Variants in PTPRS observed in about 807,000 individuals in gnomAD.
PTPRS encodes receptor-type tyrosine-protein phosphatase S.
PTPRS carries 63 observed loss-of-function variants against 215.3 expected under a neutral mutation model. The ratio of observed to expected loss-of-function variants is 0.29; its 90% CI spans 0.24 to 0.36. The LOEUF (loss-of-function observed/expected upper bound fraction) is 0.36. PTPRS is among the 10% of genes least tolerant of loss of function. PTPRS has a pLI of 1.00. For synonymous variants in PTPRS, 1,404 were observed against 1,191.4 expected (o/e 1.18, Z -3.68); for missense variants, 2,258 against 2,825.8 (o/e 0.80, Z 4.56).
intron 9 of PTPRS, among the ~76,000 whole-genome samples, chr19:5,253,058 T>C (rs1159406004): frequency 6.6e-6 from 1 of 152,112 alleles, no homozygotes. Flanking sequence ...CACTAACTCA[T>C]ACTCTAAAGG....
At chr19:5,231,248 G>C in intron 14 of PTPRS, 62 bp downstream of exon 14, 2 of 1,498,128 alleles carry the variant, frequency 1.3e-6, no homozygotes, top group Non-Finnish European at 1.8e-6. Flanking sequence ...CAGATGGAAG[G>C]CTTCGAGGCG....
Position 5,229,317 on chromosome 19 carries a change from T to G in PTPRS, c.2375A>C (p.Tyr792Ser), listed in dbSNP as rs2042802928. ...AQWETDDTAE[Y>S]EMVITNLQPE... ...TGGGTGGCCAGGGGCGCTACTTACA[T>G]ATTCGGCCGTGTCATCCGTCTCCCA... The change falls in exon 16 of 38, where the codon TAT becomes TCT. Residue 792 changes from tyrosine to serine, a missense_variant and splice_region_variant. By Grantham distance (144) the Tyr-to-Ser change is moderately radical. Transcript: ENST00000262963. The G allele has an allele frequency of 7.3e-7, 1 of 1,378,806 alleles. No individual in the cohort carries two copies. Among genetic ancestry groups the G allele is most frequent in the African/African-American group, 1.5e-5 (1 of 66,484 alleles). 85.4% of individuals were successfully genotyped at this position (1,378,806 alleles called of 1,614,324 possible). A position where few individuals can be genotyped will look rare whatever the true frequency, so the allele number is the denominator to read the frequency against.
rs1236009082 is a variant in PTPRS, at chr19:5,214,426, G to A, written c.4549C>T (p.Gln1517Ter). 6.2e-7 allele frequency: 1 copy of A among 1,614,192 alleles called. No individual in the cohort carries two copies. Among genetic ancestry groups the A allele is most frequent in the Non-Finnish European group, 8.5e-7 (1 of 1,180,042 alleles). The change falls in exon 30 of 38, where the codon CAG becomes TAG. Residue 1517 changes from glutamine to a stop codon, truncating the protein, a stop_gained. Coordinates refer to ENST00000262963, the MANE Select transcript of PTPRS (RefSeq NM_002850.4). LOFTEE classifies it high-confidence loss of function. ...TCGATGGTATCTAGCAACGTGACCT[G>A]GATGAAGCCGTAGGTCTCCGTGCCT... ...NRGTETYGFI[Q>*]VTLLDTIELA...
chr19:5,299,805 G>C (rs577479043), intron 1 of PTPRS, among the ~76,000 whole-genome samples: 2 of 152,266 alleles, frequency 1.3e-5, no homozygotes, highest in South Asian at 2.1e-4. Context: ...GGGAGGCGGA[G>C]GTTGCAGTGA....
At chr19:5,271,268 T>C (rs2046882409) in intron 4 of PTPRS, among the ~76,000 whole-genome samples, 1 of 152,210 alleles carries the variant, frequency 6.6e-6, no homozygotes, top group African/African-American at 2.4e-5. Context: ...ATCCTAACAG[T>C]GATGAACACA....
chr19:5,325,140 T>C (rs538656563), intron 1 of PTPRS, among the ~76,000 whole-genome samples: 5 of 152,316 alleles, frequency 3.3e-5, no homozygotes, highest in African/African-American at 9.6e-5. Flanking sequence ...CTATGACACC[T>C]GCCTCATGGT....
In PTPRS at chr19:5,225,732, C is replaced by T. The variant is rs2042428505; in HGVS notation, c.2489G>A (p.Gly830Glu). Residue 830 changes from glycine to glutamate, a missense_variant, in exon 17 of 38, where the codon GGA (glycine) becomes GAA (glutamate). Around this residue, in one of 6 missense-constraint regions of PTPRS, gnomAD observed 371 missense variants for 446.7 expected, o/e 0.83. Transcript: ENST00000262963. ...RSKPKVVVTK[G>E]AVLGRPTLSV... ...GAGGAGGGCGGGTTGCATACCTGCT[C>T]CCTTGGTCACAACCACCTTGGGTTT... 1 of 1,613,832 alleles carries T rather than the reference C, an allele frequency of 6.2e-7. No homozygotes were observed. The highest frequency in any genetic ancestry group is 8.5e-7 in the Non-Finnish European group (1 of 1,179,822).
chr19:5,257,959 G>A lies in PTPRS; in HGVS notation c.706+58C>T. The A allele has an allele frequency of 2.1e-6, 3 of 1,458,074 alleles. 1 individual carries two copies. In the South Asian group the frequency reaches 3.6e-5, roughly 17 times the overall value. 90.3% of individuals were successfully genotyped at this position (1,458,074 alleles called of 1,614,324 possible). On this transcript the variant is annotated intron_variant, in intron 8 of 37. Coordinates refer to ENST00000262963, the MANE Select transcript of PTPRS (RefSeq NM_002850.4). The surrounding 1 kb of genome is among the most constrained non-coding windows in gnomAD (Gnocchi z 4.4). ...AGCCCGGAGGCGGTGAGCCCGAGGA[G>A]GGAGGGGGATGGGACGGGGCGGGTC...
chr19:5,247,246 T>C (rs560930204), intron 9 of PTPRS, among the ~76,000 whole-genome samples: 1 of 151,632 alleles, frequency 6.6e-6, no homozygotes, highest in East Asian at 1.9e-4. Flanking sequence ...GGGAATGAAC[T>C]TGAACGTTGA....
Position 5,222,894 on chromosome 19 carries a change from C to T in PTPRS, c.2898G>A (p.Thr966=), listed in dbSNP as rs755295883. The T allele has an allele frequency of 2.6e-5, 41 of 1,573,966 alleles. No individual in the cohort carries two copies. The highest frequency in any genetic ancestry group is 1.7e-4 in the Middle Eastern group (1 of 5,986). The part of the protein sequence containing the change: ...AERNGAIVKY[T]VAVREAGALG... The stretch of plus-strand genomic sequence containing the variant: ...GGGCACCGGCCTCCCGCACGGCCAC[C>T]GTGTATTTGACGATGGCCCCGTTGC... Residue 966 remains threonine (T), a synonymous_variant, in exon 18 of 38, where the codon ACG becomes ACA. Transcript: ENST00000262963.
intron 1 of PTPRS, among the ~76,000 whole-genome samples, chr19:5,327,116 A>T (rs1448748297): frequency 6.6e-6 from 1 of 151,856 alleles, no homozygotes; most frequent in Non-Finnish European, 1.5e-5. Context: ...CTGCCCTGCG[A>T]CTCGGTCTGC....
intron 1 of PTPRS, among the ~76,000 whole-genome samples, chr19:5,300,767 C>CAAAAAAAAAAAAAAAAAA (rs59799136): frequency 1.0e-5 from 1 of 97,770 alleles, no homozygotes; most frequent in Non-Finnish European, 2.0e-5. Flanking sequence ...GACTCCGTCT[C>CAAAAAAAAAAAAAAAAAA]AAAAAAAAAA....
chr19:5,278,028 G>A (rs1377137789), intron 2 of PTPRS: 15 of 1,196,480 alleles, frequency 1.3e-5, no homozygotes, highest in South Asian at 7.6e-5. Flanking sequence ...TGCTGAGATC[G>A]CTCACAGTGT....
At chr19:5,292,127 G>T (rs566865513) in intron 1 of PTPRS, among the ~76,000 whole-genome samples, 1 of 152,244 alleles carries the variant, frequency 6.6e-6, no homozygotes, top group South Asian at 2.1e-4. Flanking sequence ...CCCACTGTGG[G>T]TCTGTCAACC....
intron 1 of PTPRS, among the ~76,000 whole-genome samples, chr19:5,331,373 T>C (rs2050321147): frequency 6.6e-6 from 1 of 151,988 alleles, no homozygotes; most frequent in Non-Finnish European, 1.5e-5. Flanking sequence ...GCTCAAGCAA[T>C]CCTCCCGCTT....
At chr19:5,239,833 G>C (rs1453740696) in intron 12 of PTPRS, among the ~76,000 whole-genome samples, 1 of 152,056 alleles carries the variant, frequency 6.6e-6, no homozygotes, top group Non-Finnish European at 1.5e-5. Flanking sequence ...GACAGAAAGA[G>C]AAACAGAGAC....
chr19:5,326,713 C>T (rs79183731), intron 1 of PTPRS, among the ~76,000 whole-genome samples: 3,886 of 119,708 alleles, frequency 0.032, 157 homozygotes, highest in South Asian at 0.18. Flanking sequence ...AAAAAAGAAA[C>T]GAAGAAAAGA....
intron 1 of PTPRS, among the ~76,000 whole-genome samples, chr19:5,290,792 T>A (rs1391280434): frequency 6.6e-6 from 1 of 151,680 alleles, no homozygotes; most frequent in Non-Finnish European, 1.5e-5. Flanking sequence ...GCACAATCTC[T>A]CCACCTTCAC....
chr19:5,231,072 C>A (rs1311592527), intron 14 of PTPRS, among the ~76,000 whole-genome samples: 1 of 152,242 alleles, frequency 6.6e-6, no homozygotes, highest in East Asian at 1.9e-4. Context: ...GCCAGCGAAA[C>A]TGTCCAGGCA....
Sources: allele counts gnomAD v4.1 joint callset (sites outside exome capture counted in the v4.1 genomes callset), GRCh38; gene constraint gnomAD v4.1.1; regional missense constraint gnomAD v4.1.1; non-coding constraint Gnocchi (gnomAD v3.1); transcripts MANE v1.5; gene names NCBI Gene and HGNC (gene_info 2026-07-23, HGNC 2026-07-21).